PTBP2: variants seen among roughly 807,000 people sequenced by gnomAD.
PTBP2 encodes polypyrimidine tract-binding protein 2.
PTBP2 carries 13 observed loss-of-function variants against 61.4 expected under a neutral mutation model. The ratio of observed to expected loss-of-function variants is 0.21; its 90% CI spans 0.14 to 0.34. PTBP2 has a LOEUF of 0.34. Among genes scored for constraint, PTBP2 ranks in the 10% least tolerant of loss-of-function variants. PTBP2 has a pLI of 1.00. For synonymous variants in PTBP2, 215 were observed against 218.5 expected (o/e 0.98, Z 0.14); for missense variants, 405 against 642.6 (o/e 0.63, Z 4.00).
chr1:96,807,489 T>TAA (rs1438103991), intron 11 of PTBP2, among the ~76,000 whole-genome samples: 1 of 152,214 alleles, frequency 6.6e-6, no homozygotes, highest in African/African-American at 2.4e-5. Context: ...TAATTAAACT[T>TAA]ATGTCGTTTG....
At chr1:96,759,550 A>G (rs1209858611) in intron 3 of PTBP2, among the ~76,000 whole-genome samples, 2 of 152,212 alleles carry the variant, frequency 1.3e-5, no homozygotes, top group Admixed American at 6.5e-5. Context: ...GTATAAAACA[A>G]TGAGATTAAT....
rs1036474210 is a variant in PTBP2, at chr1:96,791,968, G to A, written c.904+6714G>A. Among the ~76,000 whole-genome samples the A allele has an allele frequency of 3.3e-5, 5 of 151,460 alleles. 1 individual carries two copies. In the South Asian group the frequency reaches 1.0e-3, roughly 32 times the overall value. On this transcript the variant is annotated intron_variant, in intron 8 of 13. Transcript: ENST00000674951. ...CCTGCCTCAGCCTCCCAAGTAGCTG[G>A]GACTACAGGCGCACGCCACCACGCC...
At chr1:96,766,693 T>TTAGTAGTCATG (rs1656761107) in intron 3 of PTBP2, among the ~76,000 whole-genome samples, 1 of 152,192 alleles carries the variant, frequency 6.6e-6, no homozygotes, top group Non-Finnish European at 1.5e-5. Context: ...TATTTGGCAC[T>TTAGTAGTCATG]AAGATATGAA....
intron 8 of PTBP2, among the ~76,000 whole-genome samples, chr1:96,789,322 A>T (rs992091481): frequency 6.6e-6 from 1 of 152,104 alleles, no homozygotes; most frequent in African/African-American, 2.4e-5. Context: ...TACAACATTT[A>T]TTCATGAAGG....
chr1:96,747,609 G>C (rs987181022), intron 2 of PTBP2, among the ~76,000 whole-genome samples: 10 of 152,006 alleles, frequency 6.6e-5, no homozygotes, highest in Non-Finnish European at 1.3e-4. Context: ...ATATCGTAAG[G>C]CAAAGGCTGA....
chr1:96,781,898 GTTTA>G (rs1261320161), intron 7 of PTBP2, among the ~76,000 whole-genome samples: 2 of 151,838 alleles, frequency 1.3e-5, no homozygotes, highest in Non-Finnish European at 1.5e-5. Context: ...AGAAAATCTT[GTTTA>G]TTTATTGGAA....
Position 96,813,619 on chromosome 1 carries a change from AG to A in PTBP2, c.*217del. 3.1e-6 allele frequency: 1 copy of A among 323,140 alleles called. No homozygotes were observed. Among genetic ancestry groups the A allele is most frequent in the East Asian group, 4.8e-5 (1 of 20,808 alleles). 20.0% of individuals were successfully genotyped at this position (323,140 alleles called of 1,614,324 possible). ...AACTGCTATATTTCATCTGTTCTAT[AG>A]GGAAGCCATTTTGTCTGTTTAAAAT... On this transcript the variant is annotated 3_prime_UTR_variant, in exon 14 of 14. Transcript: ENST00000674951.
intron 7 of PTBP2, among the ~76,000 whole-genome samples, chr1:96,778,619 A>G (rs1373901754): frequency 6.6e-6 from 1 of 152,038 alleles, no homozygotes; most frequent in Non-Finnish European, 1.5e-5. Context: ...GTGCCATAGT[A>G]TCTCATTATT....
intron 7 of PTBP2, 198 bp from the exon 8 acceptor site, chr1:96,784,861 A>G (rs1268521078): frequency 8.5e-6 from 4 of 469,758 alleles, no homozygotes; most frequent in South Asian, 6.2e-5. Context: ...AGCATTTTCT[A>G]TTTAAGGAAG....
At chr1:96,783,457 G>A (rs1402619680) in intron 7 of PTBP2, among the ~76,000 whole-genome samples, 1 of 151,938 alleles carries the variant, frequency 6.6e-6, no homozygotes, top group Non-Finnish European at 1.5e-5. Flanking sequence ...AGATAATTTG[G>A]CAGTCGGACC....
intron 8 of PTBP2, among the ~76,000 whole-genome samples, chr1:96,797,057 A>T (rs1024694047): frequency 6.6e-6 from 1 of 152,182 alleles, no homozygotes; most frequent in Non-Finnish European, 1.5e-5. Context: ...AGAGGGAAAT[A>T]AAGCCAGGTG....
chr1:96,727,928 T>A (rs1167178111), intron 2 of PTBP2, among the ~76,000 whole-genome samples: 1 of 152,174 alleles, frequency 6.6e-6, no homozygotes, highest in Non-Finnish European at 1.5e-5. Context: ...TGGGGTCTTG[T>A]CTGAGCCATT....
At chr1:96,751,281 G>A (rs1654504963) in intron 2 of PTBP2, 144 bp from the exon 3 acceptor site, 1 of 722,596 alleles carries the variant, frequency 1.4e-6, no homozygotes, top group Non-Finnish European at 2.5e-6. Flanking sequence ...GGAGAGTAGA[G>A]GGATGAAGTT....
At chr1:96,721,938 C>G in intron 1 of PTBP2, 66 bp downstream of exon 1, 2 of 1,551,892 alleles carry the variant, frequency 1.3e-6, no homozygotes, top group Admixed American at 2.0e-5. Context: ...CGGCCCGGTC[C>G]CGGGCCGGGG....
At position 96,791,826 on chromosome 1, in the gene PTBP2, C is replaced by CTTTTTT. The variant is rs1163642886; in HGVS notation, c.904+6590_904+6595dup. ...TCCACCTCTGTTGCTTGGAGTTGTG[C>CTTTTTT]TTTTTTTTTTTTTTTTTTTTTTTGA... On this transcript the variant is annotated intron_variant, in intron 8 of 13. Coordinates refer to ENST00000674951, the MANE Select transcript of PTBP2 (RefSeq NM_021190.4). Among the ~76,000 whole-genome samples the CTTTTTT allele has an allele frequency of 2.3e-4, 15 of 66,122 alleles. 2 individuals are homozygous for CTTTTTT. The highest frequency in any genetic ancestry group is 3.5e-4 in the Admixed American group (2 of 5,784). 43.4% of individuals were successfully genotyped at this position (66,122 alleles called of 152,430 possible). A position where few individuals can be genotyped will look rare whatever the true frequency, so the allele number is the denominator to read the frequency against.
intron 2 of PTBP2, among the ~76,000 whole-genome samples, chr1:96,735,567 A>G (rs1367318675): frequency 6.8e-6 from 1 of 147,124 alleles, no homozygotes; most frequent in African/African-American, 2.4e-5. Flanking sequence ...CTGTAAATCT[A>G]CATTTGGAAG....
At chr1:96,730,926 T>C (rs1651307330) in intron 2 of PTBP2, among the ~76,000 whole-genome samples, 1 of 152,194 alleles carries the variant, frequency 6.6e-6, no homozygotes, top group African/African-American at 2.4e-5. Flanking sequence ...TTATTCTGTA[T>C]AGTTGCTTGA....
At chr1:96,747,591 A>G (rs963327559) in intron 2 of PTBP2, among the ~76,000 whole-genome samples, 1 of 152,146 alleles carries the variant, frequency 6.6e-6, no homozygotes, top group Non-Finnish European at 1.5e-5. Flanking sequence ...TTCATATTAC[A>G]GGTATATATA....
chr1:96,806,553 A>T, intron 10 of PTBP2, 101 bp downstream of exon 10: 1 of 1,294,292 alleles, frequency 7.7e-7, no homozygotes. Context: ...TGAATAGTAA[A>T]TCTTTTGCTA....
Sources: allele counts gnomAD v4.1 joint callset (sites outside exome capture counted in the v4.1 genomes callset), GRCh38; gene constraint gnomAD v4.1.1; transcripts MANE v1.5; gene names NCBI Gene and HGNC (gene_info 2026-07-23, HGNC 2026-07-21).